Variants in TMEM132D observed in about 807,000 individuals in gnomAD.
The protein encoded by TMEM132D is transmembrane protein 132D.
TMEM132D carries 21 observed loss-of-function variants against 62.3 expected under a neutral mutation model. The ratio of observed to expected loss-of-function variants is 0.34; its 90% confidence interval spans 0.24 to 0.49. The LOEUF is 0.49. Among genes scored for constraint, TMEM132D ranks in the 20% least tolerant of loss-of-function variants. The pLI is 0.99. For missense variants in TMEM132D, 1,346 were observed against 1,402.8 expected, an observed-to-expected ratio of 0.96 and a Z score of 0.65; for synonymous variants, 621 against 575.6, an observed-to-expected ratio of 1.08 and a Z score of -1.13.
chr12:129,680,687 T>TAC (rs1394468099), intron 2 of TMEM132D, among the ~76,000 whole-genome samples: 2 of 152,102 alleles, frequency 1.3e-5, no homozygotes, highest in African/African-American at 4.8e-5. Flanking sequence ...CAAGAAGAAC[T>TAC]TTAGTATCGG....
At chr12:129,266,639 C>T (rs142972976) in intron 4 of TMEM132D, among the ~76,000 whole-genome samples, 125 of 149,010 alleles carry the variant, frequency 8.4e-4, no homozygotes, top group Non-Finnish European at 1.6e-3. Context: ...TCTGTGCCCT[C>T]TCACCAGTGA....
chr12:129,252,634 G>C (rs773632399), intron 4 of TMEM132D, among the ~76,000 whole-genome samples: 1 of 152,152 alleles, frequency 6.6e-6, no homozygotes, highest in Non-Finnish European at 1.5e-5. Context: ...TCAGTGTGGC[G>C]ATTCCTCAGG....
intron 1 of TMEM132D, among the ~76,000 whole-genome samples, chr12:129,834,669 G>A (rs1872945577): frequency 6.6e-6 from 1 of 152,142 alleles, no homozygotes; most frequent in Non-Finnish European, 1.5e-5. Flanking sequence ...CGATTCCTGT[G>A]ATGAAGGCAT....
At chr12:129,314,964 G>A (rs986854571) in intron 4 of TMEM132D, among the ~76,000 whole-genome samples, 3 of 152,086 alleles carry the variant, frequency 2.0e-5, no homozygotes, top group Non-Finnish European at 1.5e-5. Flanking sequence ...TTGGTGTATA[G>A]AAGAGCTTCT....
At chr12:129,522,747 T>G (rs554996769) in intron 3 of TMEM132D, 1 of 71,070 alleles carries the variant, frequency 1.4e-5, no homozygotes, top group South Asian at 7.4e-4. Context: ...TCATGATCCT[T>G]AACAAATAAA....
At chr12:129,746,692 T>A (rs1593145150) in intron 1 of TMEM132D, among the ~76,000 whole-genome samples, 1 of 152,082 alleles carries the variant, frequency 6.6e-6, no homozygotes, top group African/African-American at 2.4e-5. Context: ...AAGACTCAGG[T>A]TTTTGGTGAT....
chr12:129,292,948 G>A (rs1422438229), intron 4 of TMEM132D, among the ~76,000 whole-genome samples: 3 of 152,214 alleles, frequency 2.0e-5, no homozygotes, highest in Non-Finnish European at 4.4e-5. Flanking sequence ...AAAAGGGAGG[G>A]AGGGTAGTCA....
At chr12:129,632,944 C>A (rs891617932) in intron 2 of TMEM132D, among the ~76,000 whole-genome samples, 2 of 152,182 alleles carry the variant, frequency 1.3e-5, no homozygotes, top group Non-Finnish European at 2.9e-5. Context: ...CCCCTCTATG[C>A]CCCCTAAGTA....
chr12:129,431,898 G>A (rs188738019), intron 3 of TMEM132D, among the ~76,000 whole-genome samples: 15 of 152,198 alleles, frequency 9.9e-5, no homozygotes, highest in African/African-American at 3.4e-4. Flanking sequence ...CCTGCCCCAG[G>A]ACCTTTGCAC....
intron 1 of TMEM132D, among the ~76,000 whole-genome samples, chr12:129,704,509 G>T (rs1249266461): frequency 6.6e-6 from 1 of 152,196 alleles, no homozygotes; most frequent in Non-Finnish European, 1.5e-5. Flanking sequence ...GGGGCAGGAG[G>T]TTTGACATAG....
intron 5 of TMEM132D, among the ~76,000 whole-genome samples, chr12:129,171,015 G>A (rs554757250): frequency 6.6e-6 from 1 of 152,212 alleles, no homozygotes; most frequent in East Asian, 1.9e-4. Flanking sequence ...TTCCTTTCAT[G>A]AATGACTTCT....
intron 1 of TMEM132D, among the ~76,000 whole-genome samples, chr12:129,849,058 T>G (rs79118877): frequency 0.012 from 1,888 of 152,238 alleles, 41 homozygotes; most frequent in African/African-American, 0.042. Flanking sequence ...GCTTAGTAAT[T>G]AAGGAGAAAT....
intron 1 of TMEM132D, among the ~76,000 whole-genome samples, chr12:129,900,480 A>T (rs1053772777): frequency 3.3e-5 from 5 of 152,314 alleles, no homozygotes; most frequent in African/African-American, 1.2e-4. Flanking sequence ...ACACTGCCGC[A>T]GCCCCGCTCG....
chr12:129,103,535 G>T (rs1200454047), intron 5 of TMEM132D, among the ~76,000 whole-genome samples: 2 of 152,168 alleles, frequency 1.3e-5, no homozygotes, highest in Non-Finnish European at 2.9e-5. Context: ...CCTACTCTTT[G>T]TTCCTTCAGC....
chr12:129,177,870 T>C (rs1877948746), intron 5 of TMEM132D, among the ~76,000 whole-genome samples: 1 of 152,190 alleles, frequency 6.6e-6, no homozygotes, highest in Non-Finnish European at 1.5e-5. Flanking sequence ...TCCCATCACC[T>C]AGCTATTAAG....
chr12:129,744,957 T>G (rs1158036503), intron 1 of TMEM132D, among the ~76,000 whole-genome samples: 1 of 152,094 alleles, frequency 6.6e-6, no homozygotes, highest in African/African-American at 2.4e-5. Flanking sequence ...TGGGGCGGTT[T>G]CCCCCATGCT....
At chr12:129,199,716 C>T (rs976273142) in intron 5 of TMEM132D, among the ~76,000 whole-genome samples, 2 of 152,148 alleles carry the variant, frequency 1.3e-5, no homozygotes, top group African/African-American at 4.8e-5. Flanking sequence ...AAAGGCATGT[C>T]TTACATGGTG....
intron 5 of TMEM132D, among the ~76,000 whole-genome samples, chr12:129,087,705 T>A (rs527496581): frequency 3.9e-5 from 6 of 152,216 alleles, no homozygotes; most frequent in Non-Finnish European, 8.8e-5. Context: ...CCAGTGGAGC[T>A]GATTTCAGAC....
chr12:129,375,090 A>G (rs956281016), intron 3 of TMEM132D, among the ~76,000 whole-genome samples: 1 of 151,972 alleles, frequency 6.6e-6, no homozygotes, highest in Non-Finnish European at 1.5e-5. Context: ...CAGCCACAAC[A>G]CTCTGCTCCG....
Sources: allele counts gnomAD v4.1 joint callset (sites outside exome capture counted in the v4.1 genomes callset), GRCh38; gene constraint gnomAD v4.1.1; transcripts MANE v1.5; gene names NCBI Gene and HGNC (gene_info 2026-07-23, HGNC 2026-07-21).